The following TP53BP2 variants were observed in gnomAD, a reference collection of about 807,000 sequenced individuals.
TP53BP2 encodes the protein apoptosis-stimulating of p53 protein 2.
A neutral mutation model predicts 126.2 loss-of-function variants in TP53BP2; 62 were observed. The ratio of observed to expected loss-of-function variants is 0.49; its 90% CI spans 0.40 to 0.61. The LOEUF is 0.61. TP53BP2 is among the 20% of genes least tolerant of loss of function. The probability of loss-of-function intolerance (pLI) is 0.00; values close to 1 mark genes in which losing one functional copy is unlikely to be tolerated. For missense variants in TP53BP2, 1,215 were observed against 1,402.8 expected, an observed-to-expected ratio of 0.87 and a Z score of 2.14; for synonymous variants, 485 against 502.9, an observed-to-expected ratio of 0.96 and a Z score of 0.48.
rs767095007 is a variant in TP53BP2 at position 223,795,879 on chromosome 1, C to T, written c.2660G>A (p.Gly887Glu). ...PPPYPSGEPEGPGEDSVSMRP... is the reference protein window; with the variant it reads ...PPPYPSGEPEEPGEDSVSMRP... Reference sequence around the variant, plus strand: ...CATGCTCACCGAGTCTTCTCCGGGCCCTTCAGGCTCCCCAGATGGGTATGG... The same window carrying T: ...CATGCTCACCGAGTCTTCTCCGGGCTCTTCAGGCTCCCCAGATGGGTATGG... The change falls in exon 13 of 18, where the codon GGG becomes GAG. Residue 887 changes from glycine (G) to glutamate (E), a missense_variant. Gly to Glu is a moderately conservative substitution (Grantham distance 98). This residue lies in a region of TP53BP2 where 204 missense variants were observed against 225.7 expected (regional missense o/e 0.90). Coordinates refer to ENST00000343537, the MANE Select transcript of TP53BP2 (RefSeq NM_001031685.3). The T allele has an allele frequency of 6.2e-7, 1 of 1,602,396 alleles. No individual in the cohort carries two copies. The highest frequency in any genetic ancestry group is 8.5e-7 in the Non-Finnish European group (1 of 1,175,164).
chr1:223,836,175 C>T (rs1663915116), intron 1 of TP53BP2, among the ~76,000 whole-genome samples: 1 of 152,218 alleles, frequency 6.6e-6, no homozygotes, highest in Non-Finnish European at 1.5e-5. Flanking sequence ...GCTGCAAAAA[C>T]TTTCAATGCA....
intron 1 of TP53BP2, among the ~76,000 whole-genome samples, chr1:223,832,428 A>G (rs1338273761): frequency 6.6e-6 from 1 of 152,234 alleles, no homozygotes; most frequent in Non-Finnish European, 1.5e-5. Flanking sequence ...CTCTGCAGAA[A>G]GATAAATGTA....
rs373179788 is a variant in TP53BP2, at chr1:223,823,557, C to G, written c.28-2190G>C. The stretch of plus-strand genomic sequence containing the variant: ...TTCCCAGTATGAGCTCAAAAGCTCT[C>G]AAGCTAATTATCTCAGGCTTTTCAC... On this transcript the variant is annotated intron_variant, in intron 1 of 17. Transcript: ENST00000343537. Among the ~76,000 whole-genome samples, 8 of 152,310 alleles carry G rather than the reference C, an allele frequency of 5.3e-5. No individual in the cohort carries two copies. In the East Asian group the frequency reaches 9.6e-4, roughly 18 times the overall value.
At chr1:223,793,986 C>G (rs199930314) in intron 13 of TP53BP2, among the ~76,000 whole-genome samples, 2 of 152,120 alleles carry the variant, frequency 1.3e-5, no homozygotes, top group East Asian at 3.9e-4. Flanking sequence ...AGAGCTGGGA[C>G]GCAAATCCAG....
chr1:223,822,178 T>C (rs1488666688), intron 1 of TP53BP2, among the ~76,000 whole-genome samples: 1 of 152,038 alleles, frequency 6.6e-6, no homozygotes, highest in Non-Finnish European at 1.5e-5. Context: ...CCTCCCAAAG[T>C]GCTGGGATTA....
intron 1 of TP53BP2, among the ~76,000 whole-genome samples, chr1:223,842,701 A>G (rs757212231): frequency 1.3e-5 from 2 of 152,264 alleles, no homozygotes; most frequent in African/African-American, 4.8e-5. Context: ...TGTTTTGAGC[A>G]TAACACTTCA....
chr1:223,821,360 A>C lies in TP53BP2; in HGVS notation c.35T>G (p.Leu12Arg). ...RFGSKMMPMF[L>R]TVYLSNNEQH... is the part of the protein sequence containing the mutation. ...CTCATTGTTACTGAGATACACGGTA[A>C]GAAACATCTAAAAATTAAGAGAGAA... The change falls in exon 2 of 18, where the codon CTT becomes CGT. Residue 12 changes from leucine (L) to arginine (R), a missense_variant. Physicochemically the swap from Leu to Arg is moderately radical, Grantham distance 102. Around this residue, in one of 4 missense-constraint regions of TP53BP2, gnomAD observed 814 missense variants for 853.0 expected, o/e 0.95. Transcript: ENST00000343537. 1 of 1,614,072 alleles carries C rather than the reference A, an allele frequency of 6.2e-7. No homozygotes were observed. Among genetic ancestry groups the C allele is most frequent in the Non-Finnish European group, 8.5e-7 (1 of 1,179,898 alleles).
At chr1:223,784,873 G>T (rs1233038321) in intron 16 of TP53BP2, among the ~76,000 whole-genome samples, 7 of 152,142 alleles carry the variant, frequency 4.6e-5, no homozygotes, top group African/African-American at 1.7e-4. Flanking sequence ...TTTTAGACAT[G>T]ATCAAAGTCT....
rs566786506 is a variant in TP53BP2 at position 223,842,635 on chromosome 1, A to G, written c.27+3019T>C. ...AAATTTTTATGAAACTATCAGCTGA[A>G]AAGAGCAGAGAGTAGCTTTTAGAGT... On this transcript the variant is annotated intron_variant, in intron 1 of 17. Transcript: ENST00000343537. 2.6e-5 allele frequency among the ~76,000 whole-genome samples: 4 copies of G among 152,366 alleles called. No individual in the cohort carries two copies. The East Asian group carries it at 5.8e-4, about 22-fold the overall frequency.
chr1:223,819,558 T>A (rs1310443440), intron 2 of TP53BP2, among the ~76,000 whole-genome samples: 8 of 150,826 alleles, frequency 5.3e-5, no homozygotes, highest in Non-Finnish European at 1.2e-4. Context: ...TGGGGGCGGG[T>A]GCCTGTAGTC....
At chr1:223,785,314 TCTGGGAAAAACTGAAA>T (rs1340793616) in intron 16 of TP53BP2, among the ~76,000 whole-genome samples, 1 of 152,230 alleles carries the variant, frequency 6.6e-6, no homozygotes, top group Non-Finnish European at 1.5e-5. Context: ...TTTCTCTCAC[TCTGGGAAAAACTGAAA>T]CAAGAAATTC....
At chr1:223,797,797 T>C (rs879369120) in intron 12 of TP53BP2, among the ~76,000 whole-genome samples, 7 of 151,968 alleles carry the variant, frequency 4.6e-5, no homozygotes, top group African/African-American at 7.2e-5. Flanking sequence ...TGTGTGTATA[T>C]ATATCTATAT....
At chr1:223,793,923 T>C (rs1662231105) in intron 13 of TP53BP2, among the ~76,000 whole-genome samples, 1 of 152,060 alleles carries the variant, frequency 6.6e-6, no homozygotes, top group Non-Finnish European at 1.5e-5. Flanking sequence ...ACAAAAACCC[T>C]ATGATCCCTA....
chr1:223,831,480 A>AAAATATATAT (rs1287271743), intron 1 of TP53BP2, among the ~76,000 whole-genome samples: 6 of 32,468 alleles, frequency 1.8e-4, no homozygotes, highest in East Asian at 2.1e-3. Context: ...AAAAAAAAAA[A>AAAATATATAT]ATATATATAT....
At chr1:223,782,970 T>C (rs907380314) in intron 17 of TP53BP2, among the ~76,000 whole-genome samples, 1 of 152,114 alleles carries the variant, frequency 6.6e-6, no homozygotes, top group Admixed American at 6.5e-5. Flanking sequence ...AACAACAGTG[T>C]GGAAGGGAGA....
intron 13 of TP53BP2, 146 bp from the exon 14 acceptor site, chr1:223,793,586 T>A: frequency 1.1e-6 from 1 of 900,414 alleles, no homozygotes; most frequent in Non-Finnish European, 1.6e-6. Flanking sequence ...AGTATAACAT[T>A]ATTCAGAAAA....
chr1:223,828,123 G>C (rs1290146862), intron 1 of TP53BP2, among the ~76,000 whole-genome samples: 1 of 152,044 alleles, frequency 6.6e-6, no homozygotes, highest in Admixed American at 6.6e-5. Context: ...CATTTTTAAA[G>C]ATAAAAAATA....
chr1:223,842,210 T>A (rs1362672517), intron 1 of TP53BP2, among the ~76,000 whole-genome samples: 4 of 152,226 alleles, frequency 2.6e-5, no homozygotes, highest in Admixed American at 6.5e-5. Context: ...AGTGCTGGGA[T>A]TACAGGCGTA....
rs144445577 is a variant in TP53BP2, at chr1:223,803,340, G to C, written c.762C>G (p.Gly254=). The C allele has an allele frequency of 5.7e-5, 92 of 1,613,832 alleles. No homozygotes were observed. The African/African-American group carries it at 1.2e-3, about 21-fold the overall frequency. ...GATTGTCATGGTGGCTGTCGATCCT[G>C]CCGTTCTTGAGCATCTCTAGCTGCC... ...LTRQLEMLKN[G]RIDSHHDNQS... is the part of the protein sequence containing the mutation. Residue 254 remains glycine, a synonymous_variant, in exon 7 of 18, where the codon GGC becomes GGG. Transcript: ENST00000343537.
Sources: gnomAD v4.1 joint callset for allele counts (sites outside exome capture counted in the v4.1 genomes callset) on GRCh38, gnomAD v4.1.1 for gene constraint, gnomAD v4.1.1 regional missense constraint, MANE v1.5 for transcripts, NCBI Gene and HGNC (gene_info 2026-07-23, HGNC 2026-07-21) for gene names.